AGBL1: variants seen among roughly 807,000 people sequenced by gnomAD.
AGBL1 encodes the protein AGBL carboxypeptidase 1.
A neutral mutation model predicts 118.9 loss-of-function variants in AGBL1; 130 were observed. The observed-to-expected ratio is 1.09, with a 90% CI of 0.95 to 1.26. The LOEUF is 1.26. Ranked by LOEUF, AGBL1 falls within the 50% of genes most tolerant of loss-of-function variation. AGBL1 has a pLI of 0.00. For missense variants in AGBL1, 1,584 were observed against 1,298.1 expected (o/e 1.22, Z -3.38); for synonymous variants, 555 against 478.9 (o/e 1.16, Z -2.08).
At chr15:86,821,646 G>A (rs540443031) in intron 22 of AGBL1, among the ~76,000 whole-genome samples, 1 of 152,286 alleles carries the variant, frequency 6.6e-6, no homozygotes, top group South Asian at 2.1e-4. Context: ...AATGGATAGT[G>A]TAAACATGCC....
intron 6 of AGBL1, among the ~76,000 whole-genome samples, chr15:86,243,026 C>CA (rs1177023342): frequency 2.6e-5 from 4 of 152,080 alleles, no homozygotes; most frequent in Non-Finnish European, 4.4e-5. Flanking sequence ...TGGGGTTAGA[C>CA]AAAAAAATGA....
chr15:86,240,774 ATTG>A (rs545006934), intron 6 of AGBL1, among the ~76,000 whole-genome samples: 187 of 152,304 alleles, frequency 1.2e-3, no homozygotes, highest in African/African-American at 4.3e-3. Flanking sequence ...CTGGGCAACA[ATTG>A]TTTGGGGTAG....
intron 22 of AGBL1, among the ~76,000 whole-genome samples, chr15:86,677,731 A>G (rs528515390): frequency 6.6e-6 from 1 of 152,198 alleles, no homozygotes; most frequent in Admixed American, 6.5e-5. Flanking sequence ...GCCTGGGCTC[A>G]CCTTAGTATC....
chr15:86,317,389 A>G (rs1365456319), intron 17 of AGBL1, among the ~76,000 whole-genome samples: 2 of 152,240 alleles, frequency 1.3e-5, no homozygotes, highest in African/African-American at 4.8e-5. Context: ...CAAGGGAGAG[A>G]TAAATAAAGA....
intron 22 of AGBL1, among the ~76,000 whole-genome samples, chr15:86,718,044 C>T (rs2086663660): frequency 6.6e-6 from 1 of 152,140 alleles, no homozygotes; most frequent in South Asian, 2.1e-4. Context: ...TGCCACTGCA[C>T]TCCAGACTCC....
intron 23 of AGBL1, among the ~76,000 whole-genome samples, chr15:86,933,237 G>T (rs1182859386): frequency 6.6e-6 from 1 of 152,072 alleles, no homozygotes; most frequent in Non-Finnish European, 1.5e-5. Flanking sequence ...TTCATTCCTG[G>T]GCAGAGGCCA....
chr15:86,206,231 G>A (rs1022666692), intron 5 of AGBL1, among the ~76,000 whole-genome samples: 5 of 152,108 alleles, frequency 3.3e-5, no homozygotes, highest in African/African-American at 1.2e-4. Context: ...CATTTGGGTT[G>A]GTTCCACGTT....
At chr15:86,413,715 G>A (rs1422750990) in intron 18 of AGBL1, among the ~76,000 whole-genome samples, 1 of 151,890 alleles carries the variant, frequency 6.6e-6, no homozygotes, top group Non-Finnish European at 1.5e-5. Context: ...CTTTTTAATG[G>A]GGTTATTTAT....
intron 18 of AGBL1, among the ~76,000 whole-genome samples, chr15:86,504,533 G>C (rs371918769): frequency 6.6e-6 from 1 of 151,084 alleles, no homozygotes; most frequent in South Asian, 2.1e-4. Flanking sequence ...AATATTCAAG[G>C]CACTATTTAA....
intron 21 of AGBL1, among the ~76,000 whole-genome samples, chr15:86,627,305 T>C (rs1435282492): frequency 1.3e-5 from 2 of 152,220 alleles, no homozygotes; most frequent in Non-Finnish European, 2.9e-5. Context: ...CTGCCTGATA[T>C]AATTTTTATA....
chr15:86,994,645 A>G (rs1461214848), intron 24 of AGBL1, among the ~76,000 whole-genome samples: 2 of 152,212 alleles, frequency 1.3e-5, no homozygotes, highest in Non-Finnish European at 2.9e-5. Flanking sequence ...AAGAGCTTGA[A>G]GAATTCAGTG....
intron 9 of AGBL1, among the ~76,000 whole-genome samples, chr15:86,261,391 G>A (rs1196485246): frequency 2.0e-5 from 3 of 152,196 alleles, no homozygotes; most frequent in Admixed American, 2.0e-4. Flanking sequence ...TGGTCATGGT[G>A]TGTATACTGT....
intron 22 of AGBL1, among the ~76,000 whole-genome samples, chr15:86,784,554 C>G (rs1215325883): frequency 3.9e-5 from 6 of 152,006 alleles, no homozygotes; most frequent in Admixed American, 1.3e-4. Context: ...TAGGGAGTAC[C>G]CCAGGTGTCT....
At position 86,475,100 on chromosome 15, in the gene AGBL1, C is replaced by T. The variant is rs956928103; in HGVS notation, c.2556-47710C>T. 3.9e-5 allele frequency among the ~76,000 whole-genome samples: 6 copies of T among 152,222 alleles called. No homozygotes were observed. The South Asian group carries it at 1.2e-3, about 32-fold the overall frequency. On this transcript the variant is annotated intron_variant, in intron 18 of 22. Transcript: ENST00000614907. The stretch of plus-strand genomic sequence containing the variant: ...CGTCACCATCTTCAAAGACCAAAGG[C>T]AGATAAAACCACAAAAGTGGGGAAA...
At chr15:86,335,302 C>G (rs901472552) in intron 17 of AGBL1, among the ~76,000 whole-genome samples, 1 of 152,062 alleles carries the variant, frequency 6.6e-6, no homozygotes, top group South Asian at 2.1e-4. Flanking sequence ...CCACGCCCAG[C>G]TAATTTTTTG....
intron 17 of AGBL1, among the ~76,000 whole-genome samples, chr15:86,377,268 T>C (rs945766408): frequency 2.0e-5 from 3 of 152,254 alleles, no homozygotes; most frequent in South Asian, 2.1e-4. Flanking sequence ...CATATGTGCA[T>C]ACCTTTACTA....
chr15:86,968,157 A>G (rs1199281578), intron 23 of AGBL1, among the ~76,000 whole-genome samples: 2 of 151,858 alleles, frequency 1.3e-5, no homozygotes, highest in African/African-American at 4.8e-5. Context: ...AAAGAGGGTC[A>G]CCCAAAATCA....
intron 5 of AGBL1, among the ~76,000 whole-genome samples, chr15:86,201,766 C>CA (rs1436764550): frequency 6.6e-6 from 1 of 152,142 alleles, no homozygotes; most frequent in African/African-American, 2.4e-5. Flanking sequence ...TTTTCATTGA[C>CA]AAAAATCATT....
intron 1 of AGBL1, among the ~76,000 whole-genome samples, chr15:86,106,988 C>A (rs1897090409): frequency 6.6e-6 from 1 of 152,112 alleles, no homozygotes; most frequent in Non-Finnish European, 1.5e-5. Context: ...GATTGTTGAA[C>A]TATATGAGTG....
Sources: gnomAD v4.1 joint callset for allele counts (sites outside exome capture counted in the v4.1 genomes callset) on GRCh38, gnomAD v4.1.1 for gene constraint, MANE v1.5 for transcripts, NCBI Gene and HGNC (gene_info 2026-07-23, HGNC 2026-07-21) for gene names.